Variants in CENPP observed in about 807,000 individuals in gnomAD.
CENPP encodes the protein centromere protein P.
Under a neutral mutation model 35.6 loss-of-function variants are expected in CENPP, and 24 were observed. The observed-to-expected ratio is 0.67, with a 90% confidence interval of 0.49 to 0.95. The LOEUF (loss-of-function observed/expected upper bound fraction) is 0.95. Ranked by LOEUF, CENPP falls within the 40% of genes least tolerant of loss-of-function variation. CENPP has a pLI of 0.00. For missense variants in CENPP, 332 were observed against 345.3 expected (o/e 0.96, Z 0.31); for synonymous variants, 120 against 125.5 (o/e 0.96, Z 0.29).
chr9:92,511,211 C>G (rs546013278), intron 5 of CENPP, among the ~76,000 whole-genome samples: 1 of 152,030 alleles, frequency 6.6e-6, no homozygotes, highest in African/African-American at 2.4e-5. Flanking sequence ...CTGCAACCTC[C>G]GCCTCCCGAA....
At chr9:92,485,435 C>G (rs763608510) in intron 5 of CENPP, among the ~76,000 whole-genome samples, 1 of 152,178 alleles carries the variant, frequency 6.6e-6, no homozygotes, top group Non-Finnish European at 1.5e-5. Context: ...GTAATATTCT[C>G]AGTACTGACA....
chr9:92,326,156 C>G, intron 1 of CENPP, 51 bp downstream of exon 1: 1 of 1,245,724 alleles, frequency 8.0e-7, no homozygotes, highest in South Asian at 1.4e-5. Context: ...GGTTCCCGGG[C>G]CAGGCGGGTG....
At chr9:92,585,544 T>G (rs994975187) in intron 5 of CENPP, among the ~76,000 whole-genome samples, 8 of 152,212 alleles carry the variant, frequency 5.3e-5, no homozygotes, top group Non-Finnish European at 1.0e-4. Flanking sequence ...AATTACTGGT[T>G]GTATGGCAAG....
intron 5 of CENPP, among the ~76,000 whole-genome samples, chr9:92,518,948 C>T (rs1847896708): frequency 1.3e-5 from 2 of 152,110 alleles, no homozygotes; most frequent in African/African-American, 4.8e-5. Flanking sequence ...TCCCTACATA[C>T]AAGATTGTAG....
chr9:92,493,908 G>T, intron 5 of CENPP: 1 of 464,794 alleles, frequency 2.2e-6, no homozygotes. Flanking sequence ...CAAGCCCACA[G>T]TGCGTCTGCT....
intron 5 of CENPP, among the ~76,000 whole-genome samples, chr9:92,596,806 T>C (rs1279559654): frequency 6.6e-6 from 1 of 151,110 alleles, no homozygotes; most frequent in Admixed American, 6.6e-5. Context: ...TTTTATAACC[T>C]TCCTCTATAA....
At chr9:92,573,487 G>T (rs1349160301) in intron 5 of CENPP, among the ~76,000 whole-genome samples, 1 of 152,204 alleles carries the variant, frequency 6.6e-6, no homozygotes, top group African/African-American at 2.4e-5. Context: ...GCACTGGGCT[G>T]TATGAGGTGT....
At chr9:92,353,520 A>G (rs1300967026) in intron 4 of CENPP, among the ~76,000 whole-genome samples, 4 of 152,074 alleles carry the variant, frequency 2.6e-5, no homozygotes, top group South Asian at 2.1e-4. Flanking sequence ...ATTCTTCCTT[A>G]CCTCCATTGT....
intron 5 of CENPP, among the ~76,000 whole-genome samples, chr9:92,549,221 A>G (rs1357386142): frequency 2.0e-5 from 3 of 152,186 alleles, no homozygotes; most frequent in African/African-American, 7.2e-5. Context: ...CAGAACTAGA[A>G]TCAATGGACA....
At chr9:92,474,996 C>T (rs1845666103) in intron 5 of CENPP, 1 of 1,378,856 alleles carries the variant, frequency 7.3e-7, no homozygotes, top group Non-Finnish European at 9.5e-7. Flanking sequence ...TCAGTTCTGG[C>T]AAGAGTGCAA....
rs1215201821 is a variant in CENPP, at chr9:92,561,365, C to T, written c.565-49949C>T. On this transcript the variant is annotated intron_variant, in intron 5 of 7. Transcript: ENST00000375587. The stretch of plus-strand genomic sequence containing the variant: ...TGGAACTGCAGAAATGGAAGATTTA[C>T]CTAACAATTGGTTTTAGGTCTTGGT... Among the ~76,000 whole-genome samples the T allele has an allele frequency of 4.6e-5, 7 of 152,252 alleles. No homozygotes were observed. In the East Asian group the frequency reaches 1.4e-3, roughly 29 times the overall value.
intron 1 of CENPP, among the ~76,000 whole-genome samples, chr9:92,326,837 C>T (rs1455383853): frequency 1.3e-5 from 2 of 152,172 alleles, no homozygotes; most frequent in African/African-American, 4.8e-5. Context: ...AAACTGTCTT[C>T]AATTTTTGAG....
chr9:92,506,792 T>C (rs1847032551), intron 5 of CENPP, among the ~76,000 whole-genome samples: 1 of 152,130 alleles, frequency 6.6e-6, no homozygotes, highest in Admixed American at 6.5e-5. Context: ...TGAAAGACCA[T>C]GTGGGTTTGC....
intron 5 of CENPP, among the ~76,000 whole-genome samples, chr9:92,489,790 G>T (rs184423107): frequency 1.3e-5 from 2 of 152,216 alleles, no homozygotes; most frequent in East Asian, 1.9e-4. Context: ...GTCAAACTCA[G>T]GTTTTGTTGT....
chr9:92,356,960 T>A (rs183783504), intron 4 of CENPP, among the ~76,000 whole-genome samples: 15 of 152,368 alleles, frequency 9.8e-5, no homozygotes, highest in African/African-American at 3.6e-4. Flanking sequence ...ATTTATATGT[T>A]GTGCACCCCA....
At chr9:92,377,550 T>A (rs1327876789) in intron 4 of CENPP, among the ~76,000 whole-genome samples, 1 of 152,206 alleles carries the variant, frequency 6.6e-6, no homozygotes, top group East Asian at 1.9e-4. Context: ...CTTAGCCTTT[T>A]TCAGTTGCCC....
intron 5 of CENPP, among the ~76,000 whole-genome samples, chr9:92,468,272 G>A (rs1276937712): frequency 6.6e-6 from 1 of 152,212 alleles, no homozygotes; most frequent in Non-Finnish European, 1.5e-5. Flanking sequence ...TGCAGCACTG[G>A]TAAGAGCCGC....
At chr9:92,496,227 A>G in intron 5 of CENPP, 1 of 1,489,184 alleles carries the variant, frequency 6.7e-7, no homozygotes, top group East Asian at 2.4e-5. Context: ...TGAGTATAAC[A>G]GGAGGATTAT....
chr9:92,371,980 C>T (rs189267478), intron 4 of CENPP, among the ~76,000 whole-genome samples: 31 of 142,696 alleles, frequency 2.2e-4, no homozygotes, highest in African/African-American at 8.0e-4. Flanking sequence ...ATTCTCCTGC[C>T]TCAGCTTCCC....
Sources: allele counts gnomAD v4.1 joint callset (sites outside exome capture counted in the v4.1 genomes callset), GRCh38; gene constraint gnomAD v4.1.1; transcripts MANE v1.5; gene names NCBI Gene and HGNC (gene_info 2026-07-23, HGNC 2026-07-21).